CPA6: variants seen among roughly 807,000 people sequenced by gnomAD.
CPA6 encodes carboxypeptidase A6.
Under a neutral mutation model 63.3 loss-of-function variants are expected in CPA6, and 58 were observed. The ratio of observed to expected loss-of-function variants is 0.92; its 90% confidence interval spans 0.74 to 1.14. The LOEUF (loss-of-function observed/expected upper bound fraction) is 1.14. Among genes scored for constraint, CPA6 ranks in the 50% most tolerant of loss-of-function variants. The pLI is 0.00. For missense variants in CPA6, 565 were observed against 526.6 expected (o/e 1.07, Z -0.71); for synonymous variants, 185 against 179.0 (o/e 1.03, Z -0.27).
chr8:67,501,438 CTCTT>C (rs899246321), intron 6 of CPA6, among the ~76,000 whole-genome samples: 3 of 152,054 alleles, frequency 2.0e-5, no homozygotes, highest in South Asian at 2.1e-4. Flanking sequence ...AATTTCCCCT[CTCTT>C]TCTTTAAGAG....
chr8:67,519,062 T>G (rs1812208224), intron 2 of CPA6, among the ~76,000 whole-genome samples: 1 of 152,176 alleles, frequency 6.6e-6, no homozygotes, highest in African/African-American at 2.4e-5. Context: ...AACAGTGCCT[T>G]GTGTAAATTA....
chr8:67,611,802 C>A (rs947212314), intron 2 of CPA6, among the ~76,000 whole-genome samples: 18 of 152,174 alleles, frequency 1.2e-4, no homozygotes, highest in Admixed American at 2.6e-4. Context: ...AAGCAAGAGG[C>A]CAGCCCTAGC....
At chr8:67,435,363 C>T (rs959904862) in intron 8 of CPA6, among the ~76,000 whole-genome samples, 1 of 151,988 alleles carries the variant, frequency 6.6e-6, no homozygotes, top group Admixed American at 6.5e-5. Context: ...GACTTTTTCT[C>T]GCCATCCCTC....
In CPA6 at chr8:67,479,011, A is replaced by G. The variant is rs777147768; in HGVS notation, c.838+4757T>C. Among the ~76,000 whole-genome samples, 86 of 152,162 alleles carry G rather than the reference A, an allele frequency of 5.7e-4. 1 individual carries two copies. The highest frequency in any genetic ancestry group is 7.2e-4 in the Non-Finnish European group (49 of 67,996). On this transcript the variant is annotated intron_variant, in intron 8 of 10. Transcript: ENST00000297770. The stretch of plus-strand genomic sequence containing the variant: ...ACTCTAGCCTGGGCGACAGAGCAAG[A>G]CTCTGTCTAAAAGAAAAGAAAAGAA...
At chr8:67,696,553 C>T (rs996007967) in intron 1 of CPA6, among the ~76,000 whole-genome samples, 8 of 151,692 alleles carry the variant, frequency 5.3e-5, no homozygotes, top group African/African-American at 1.9e-4. Flanking sequence ...CCTATGTCCA[C>T]AGAAGTGTGC....
At chr8:67,435,355 C>CT (rs571925223) in intron 8 of CPA6, among the ~76,000 whole-genome samples, 1 of 152,116 alleles carries the variant, frequency 6.6e-6, no homozygotes, top group East Asian at 1.9e-4. Flanking sequence ...ACCCCTTGGA[C>CT]TTTTTCTCGC....
At chr8:67,463,670 T>C (rs1810863880) in intron 8 of CPA6, among the ~76,000 whole-genome samples, 1 of 152,146 alleles carries the variant, frequency 6.6e-6, no homozygotes, top group African/African-American at 2.4e-5. Flanking sequence ...CTCTTGTCCC[T>C]CTCCTTCCCT....
At chr8:67,721,202 T>C (rs1383172436) in intron 1 of CPA6, among the ~76,000 whole-genome samples, 1 of 152,266 alleles carries the variant, frequency 6.6e-6, no homozygotes, top group Non-Finnish European at 1.5e-5. Flanking sequence ...CCCATTAGGT[T>C]ACAAGGTCCT....
At chr8:67,516,950 C>G (rs901442497) in intron 3 of CPA6, among the ~76,000 whole-genome samples, 1 of 152,070 alleles carries the variant, frequency 6.6e-6, no homozygotes, top group Non-Finnish European at 1.5e-5. Context: ...GCACGTACCA[C>G]TACACCCAGC....
At chr8:67,595,100 A>T (rs1814286235) in intron 2 of CPA6, among the ~76,000 whole-genome samples, 1 of 152,118 alleles carries the variant, frequency 6.6e-6, no homozygotes, top group African/African-American at 2.4e-5. Context: ...CTTCTAACAG[A>T]CAGGACCCTC....
At chr8:67,486,427 A>G (rs1811478079) in intron 6 of CPA6, among the ~76,000 whole-genome samples, 1 of 152,272 alleles carries the variant, frequency 6.6e-6, no homozygotes, top group Admixed American at 6.5e-5. Flanking sequence ...TTAGTTTTCC[A>G]CATGAAAAAA....
chr8:67,508,568 G>T (rs1226280675), intron 5 of CPA6, among the ~76,000 whole-genome samples: 1 of 152,148 alleles, frequency 6.6e-6, no homozygotes, highest in African/African-American at 2.4e-5. Flanking sequence ...TGAACCTAAG[G>T]AAAGGATAAG....
chr8:67,687,200 C>T (rs959086890), intron 1 of CPA6, among the ~76,000 whole-genome samples: 1 of 152,200 alleles, frequency 6.6e-6, no homozygotes, highest in Admixed American at 6.5e-5. Flanking sequence ...GATACTTACT[C>T]AGGACTTTCC....
chr8:67,450,910 C>CTG (rs1488163783), intron 8 of CPA6, among the ~76,000 whole-genome samples: 2 of 152,174 alleles, frequency 1.3e-5, no homozygotes, highest in African/African-American at 4.8e-5. Context: ...TTAGAAGTAG[C>CTG]TGTGTTTGGC....
At chr8:67,642,719 G>T (rs1015433193) in intron 1 of CPA6, among the ~76,000 whole-genome samples, 1 of 151,296 alleles carries the variant, frequency 6.6e-6, no homozygotes, top group African/African-American at 2.4e-5. Context: ...GCAGGGAAAG[G>T]ATGAACTCTT....
intron 1 of CPA6, among the ~76,000 whole-genome samples, chr8:67,691,308 T>C (rs558892072): frequency 1.8e-4 from 28 of 152,230 alleles, no homozygotes; most frequent in Non-Finnish European, 3.1e-4. Flanking sequence ...GTTCTTCTCC[T>C]TCCTTGGTAC....
intron 8 of CPA6, among the ~76,000 whole-genome samples, chr8:67,442,482 A>G (rs1810315034): frequency 6.6e-6 from 1 of 152,158 alleles, no homozygotes; most frequent in African/African-American, 2.4e-5. Flanking sequence ...TGTCCCCTGG[A>G]AGAGACAAAT....
At chr8:67,567,576 A>C (rs1467400835) in intron 2 of CPA6, among the ~76,000 whole-genome samples, 2 of 152,204 alleles carry the variant, frequency 1.3e-5, no homozygotes, top group Non-Finnish European at 2.9e-5. Flanking sequence ...CCACAGGAAA[A>C]TCAACTAGAA....
intron 2 of CPA6, among the ~76,000 whole-genome samples, chr8:67,555,544 G>A (rs1240558915): frequency 2.0e-5 from 3 of 152,150 alleles, no homozygotes; most frequent in Admixed American, 1.3e-4. Context: ...AATTAAACTG[G>A]TAATTGTAGG....
Sources: gnomAD v4.1 joint callset for allele counts (sites outside exome capture counted in the v4.1 genomes callset) on GRCh38, gnomAD v4.1.1 for gene constraint, MANE v1.5 for transcripts, NCBI Gene and HGNC (gene_info 2026-07-23, HGNC 2026-07-21) for gene names.